The following LAPTM4B variants were observed in gnomAD, a reference collection of about 807,000 sequenced individuals.
LAPTM4B encodes the protein lysosomal-associated transmembrane protein 4B.
A neutral mutation model predicts 28.5 loss-of-function variants in LAPTM4B; 26 were observed. That is an observed-to-expected ratio of 0.91 (90% confidence interval 0.67 to 1.27). The LOEUF is 1.27. LAPTM4B is among the 50% of genes most tolerant of loss of function. LAPTM4B has a pLI of 0.00. For missense variants in LAPTM4B, 288 were observed against 285.8 expected (o/e 1.01, Z -0.06); for synonymous variants, 109 against 106.4 (o/e 1.02, Z -0.15).
intron 6 of LAPTM4B, among the ~76,000 whole-genome samples, chr8:97,832,685 T>TATTTC (rs370922687): frequency 0.47 from 69,892 of 148,106 alleles, 16,727 homozygotes; most frequent in East Asian, 0.58. Context: ...ATTTTTATTT[T>TATTTC]ATTTTATTTT....
At position 97,792,395 on chromosome 8, in the gene LAPTM4B, C is replaced by T. The variant is rs1462840479; in HGVS notation, c.100-12958C>T. Among the ~76,000 whole-genome samples the T allele has an allele frequency of 2.6e-5, 4 of 152,132 alleles. No homozygotes were observed. The East Asian group carries it at 7.8e-4, about 29-fold the overall frequency. ...CCAGCTCCCCAGGCAGCTGGGACTA[C>T]AGGTGCGAGCCACCACAACCAGCTA... On this transcript the variant is annotated intron_variant, in intron 1 of 6. Coordinates refer to ENST00000521545, the MANE Select transcript of LAPTM4B (RefSeq NM_018407.6).
chr8:97,788,218 G>T, intron 1 of LAPTM4B: 1 of 287,768 alleles, frequency 3.5e-6, no homozygotes, highest in African/African-American at 2.3e-5. Flanking sequence ...TATAGATCCA[G>T]CTAGCTTCTT....
chr8:97,776,763 C>CG (rs969481177), intron 1 of LAPTM4B, among the ~76,000 whole-genome samples: 3 of 152,080 alleles, frequency 2.0e-5, no homozygotes, highest in African/African-American at 7.2e-5. Flanking sequence ...TCCATCTGCC[C>CG]GGGGAAGCCA....
intron 6 of LAPTM4B, among the ~76,000 whole-genome samples, chr8:97,828,696 A>G (rs1392487880): frequency 6.6e-6 from 1 of 152,230 alleles, no homozygotes; most frequent in Non-Finnish European, 1.5e-5. Context: ...TTTGGAGGAC[A>G]ACTGCGGCTA....
rs14516 is a variant in LAPTM4B at position 97,852,532 on chromosome 8, G to A, written c.*1058G>A. On this transcript the variant is annotated 3_prime_UTR_variant, in exon 7 of 7. Transcript: ENST00000521545. ...ATGTTACAAAGTCAGCAACTCTCCT[G>A]TTGGTTCATTATTGAATGTGCTGTA... 6.6e-6 allele frequency: 1 copy of A among 152,326 alleles called. No individual in the cohort carries two copies. Among genetic ancestry groups the A allele is most frequent in the Non-Finnish European group, 1.5e-5 (1 of 68,226 alleles). The allele number at this position is 152,326 out of a possible 1,614,324, so 9.4% of individuals were successfully genotyped here. A position where few individuals can be genotyped will look rare whatever the true frequency, so the allele number is the denominator to read the frequency against.
intron 1 of LAPTM4B, among the ~76,000 whole-genome samples, chr8:97,779,345 T>C (rs1816273461): frequency 6.6e-6 from 1 of 151,472 alleles, no homozygotes; most frequent in South Asian, 2.1e-4. Context: ...ACAAATTAGG[T>C]GCGGTGGTGT....
At chr8:97,784,184 G>A (rs979937595) in intron 1 of LAPTM4B, among the ~76,000 whole-genome samples, 3 of 152,150 alleles carry the variant, frequency 2.0e-5, no homozygotes, top group African/African-American at 7.2e-5. Flanking sequence ...GTGGTGATAT[G>A]TTCTTTTAAG....
intron 2 of LAPTM4B, among the ~76,000 whole-genome samples, chr8:97,810,257 G>C (rs1207436816): frequency 1.3e-5 from 2 of 152,134 alleles, no homozygotes; most frequent in East Asian, 3.8e-4. Context: ...TGACTATACT[G>C]GGAAAGAATG....
intron 6 of LAPTM4B, among the ~76,000 whole-genome samples, chr8:97,839,143 C>T (rs940662541): frequency 2.0e-5 from 3 of 152,140 alleles, no homozygotes; most frequent in South Asian, 2.1e-4. Context: ...GACATTAACT[C>T]GGCTCCTATT....
At chr8:97,834,171 G>A (rs973586558) in intron 6 of LAPTM4B, among the ~76,000 whole-genome samples, 2 of 75,878 alleles carry the variant, frequency 2.6e-5, no homozygotes, top group African/African-American at 9.0e-5. Flanking sequence ...CAGGTGGCAT[G>A]TGCCTGTAGT....
chr8:97,786,903 G>T (rs145768444), intron 1 of LAPTM4B, among the ~76,000 whole-genome samples: 1 of 152,072 alleles, frequency 6.6e-6, no homozygotes, highest in Non-Finnish European at 1.5e-5. Flanking sequence ...ACAAAGAAAC[G>T]CAAAACTGCA....
At chr8:97,800,226 G>A (rs1163394885) in intron 1 of LAPTM4B, among the ~76,000 whole-genome samples, 1 of 152,180 alleles carries the variant, frequency 6.6e-6, no homozygotes, top group Admixed American at 6.5e-5. Flanking sequence ...CGGATTAAGA[G>A]TTGACAGGTC....
At position 97,775,839 on chromosome 8, in the gene LAPTM4B, G is replaced by A. The variant is rs1816196273; in HGVS notation, c.-171G>A. On this transcript the variant is annotated 5_prime_UTR_variant, in exon 1 of 7. Transcript: ENST00000521545. Reference sequence around the variant, plus strand: ...CGGAGCGAAGGGTACCGACCCGGCAGAAGCTCGGAGCTCTCGGGGTATCGA... The same window carrying A: ...CGGAGCGAAGGGTACCGACCCGGCAAAAGCTCGGAGCTCTCGGGGTATCGA... The A allele has an allele frequency of 1.3e-6, 2 of 1,544,064 alleles. No individual in the cohort carries two copies. Among genetic ancestry groups the A allele is most frequent in the Non-Finnish European group, 1.7e-6 (2 of 1,150,798 alleles).
chr8:97,777,439 C>T (rs1428966718), intron 1 of LAPTM4B, among the ~76,000 whole-genome samples: 1 of 151,906 alleles, frequency 6.6e-6, no homozygotes, highest in African/African-American at 2.4e-5. Flanking sequence ...AGTGAGCCAC[C>T]GCGCCCGGCC....
chr8:97,789,042 A>C (rs1240287698), intron 1 of LAPTM4B, among the ~76,000 whole-genome samples: 1 of 1,196 alleles, frequency 8.4e-4, no homozygotes, highest in Non-Finnish European at 1.4e-3. Context: ...CTCACTCTTT[A>C]TTTATTTATT....
At chr8:97,837,427 A>C (rs1817279114) in intron 6 of LAPTM4B, among the ~76,000 whole-genome samples, 1 of 152,158 alleles carries the variant, frequency 6.6e-6, no homozygotes, top group Non-Finnish European at 1.5e-5. Flanking sequence ...TCCTGACCTC[A>C]GGTGATCCAC....
chr8:97,825,799 G>T (rs959189198), intron 6 of LAPTM4B, among the ~76,000 whole-genome samples: 1 of 152,164 alleles, frequency 6.6e-6, no homozygotes, highest in Admixed American at 6.5e-5. Context: ...AGTCCTCATG[G>T]TGTCTCTGTC....
chr8:97,827,935 G>C (rs975112130), intron 6 of LAPTM4B, among the ~76,000 whole-genome samples: 3 of 152,158 alleles, frequency 2.0e-5, no homozygotes, highest in African/African-American at 4.8e-5. Context: ...GGTAGAGTCT[G>C]TTACAATGGT....
chr8:97,842,804 A>C (rs1817369447), intron 6 of LAPTM4B, among the ~76,000 whole-genome samples: 1 of 151,922 alleles, frequency 6.6e-6, no homozygotes, highest in Admixed American at 6.6e-5. Flanking sequence ...GGCGTGAGCC[A>C]CCGCGCCTGG....
Sources: allele counts gnomAD v4.1 joint callset (sites outside exome capture counted in the v4.1 genomes callset), GRCh38; gene constraint gnomAD v4.1.1; transcripts MANE v1.5; gene names NCBI Gene and HGNC (gene_info 2026-07-23, HGNC 2026-07-21).